Variants in GLI3 observed in about 807,000 individuals in gnomAD.
GLI3 encodes transcription activator GLI3.
A neutral mutation model predicts 100.8 loss-of-function variants in GLI3; 20 were observed. The observed-to-expected ratio is 0.20, with a 90% confidence interval of 0.14 to 0.29. The LOEUF is 0.29. Among genes scored for constraint, GLI3 ranks in the 10% least tolerant of loss-of-function variants. The pLI, the probability that GLI3 is intolerant of heterozygous loss-of-function variation, is 1.00. For synonymous variants in GLI3, 938 were observed against 860.5 expected (o/e 1.09, Z -1.58); for missense variants, 2,040 against 2,128.5 (o/e 0.96, Z 0.82).
chr7:42,067,011 C>T (rs542260053), intron 4 of GLI3, among the ~76,000 whole-genome samples: 3 of 151,930 alleles, frequency 2.0e-5, no homozygotes, highest in Non-Finnish European at 4.4e-5. Context: ...CGGGTACATA[C>T]GCATATACAG....
chr7:42,094,483 C>G (rs180825380), intron 3 of GLI3, among the ~76,000 whole-genome samples: 180 of 152,130 alleles, frequency 1.2e-3, no homozygotes, highest in African/African-American at 4.1e-3. Context: ...CGCCTGTAAT[C>G]CCAGCACTTT....
chr7:42,263,103 G>A (rs1008756410), intron 1 of GLI3, among the ~76,000 whole-genome samples: 1 of 152,174 alleles, frequency 6.6e-6, no homozygotes, highest in Non-Finnish European at 1.5e-5. Flanking sequence ...GGTGACCCAC[G>A]GCAAAGGCAT....
intron 10 of GLI3, among the ~76,000 whole-genome samples, chr7:42,005,384 G>A (rs1398615558): frequency 6.6e-6 from 1 of 151,722 alleles, no homozygotes; most frequent in Non-Finnish European, 1.5e-5. Flanking sequence ...TTTAAGAACG[G>A]ATGGATGGAT....
chr7:42,116,278 C>T (rs185890976), intron 3 of GLI3, among the ~76,000 whole-genome samples: 6 of 152,140 alleles, frequency 3.9e-5, no homozygotes, highest in African/African-American at 1.4e-4. Flanking sequence ...CAGCAGCACA[C>T]GAGCTCATGT....
intron 4 of GLI3, among the ~76,000 whole-genome samples, chr7:42,069,077 C>T (rs551381281): frequency 2.0e-4 from 30 of 152,238 alleles, no homozygotes; most frequent in African/African-American, 6.5e-4. Context: ...ATAGAGTCGG[C>T]GGCTTCCGGT....
chr7:42,199,699 C>T (rs1036802085), intron 2 of GLI3, among the ~76,000 whole-genome samples: 4 of 152,208 alleles, frequency 2.6e-5, no homozygotes, highest in Admixed American at 6.5e-5. Context: ...CATGTCCTAT[C>T]GGATTTATCC....
At chr7:42,086,500 A>G (rs1393487054) in intron 3 of GLI3, among the ~76,000 whole-genome samples, 1 of 151,348 alleles carries the variant, frequency 6.6e-6, no homozygotes, top group African/African-American at 2.4e-5. Context: ...TAGCCTCCCC[A>G]CTCCAGCCCA....
At chr7:42,176,071 C>T (rs1487535557) in intron 2 of GLI3, among the ~76,000 whole-genome samples, 1 of 152,092 alleles carries the variant, frequency 6.6e-6, no homozygotes, top group Non-Finnish European at 1.5e-5. Flanking sequence ...AAGTCACAGA[C>T]AGAATGATAA....
chr7:42,163,666 G>C (rs1288668101), intron 2 of GLI3, among the ~76,000 whole-genome samples: 1 of 152,044 alleles, frequency 6.6e-6, no homozygotes, highest in Non-Finnish European at 1.5e-5. Flanking sequence ...CTGGCCTCAG[G>C]TGATCCACCC....
chr7:42,140,869 T>C (rs902637830), intron 3 of GLI3, among the ~76,000 whole-genome samples: 1 of 152,100 alleles, frequency 6.6e-6, no homozygotes, highest in Admixed American at 6.5e-5. Context: ...GAGGGAAAGC[T>C]GTTAGCAGAT....
intron 10 of GLI3, among the ~76,000 whole-genome samples, chr7:41,979,608 T>G (rs1261741159): frequency 2.0e-5 from 3 of 152,212 alleles, no homozygotes; most frequent in African/African-American, 7.2e-5. Flanking sequence ...CTTCTTAATT[T>G]GAATCAAATT....
intron 3 of GLI3, among the ~76,000 whole-genome samples, chr7:42,142,594 A>G (rs1455204294): frequency 6.6e-6 from 1 of 152,118 alleles, no homozygotes; most frequent in African/African-American, 2.4e-5. Context: ...AGAGATACGC[A>G]GACTCACGGT....
chr7:42,176,499 C>A (rs1787482504), intron 2 of GLI3, among the ~76,000 whole-genome samples: 1 of 152,182 alleles, frequency 6.6e-6, no homozygotes, highest in African/African-American at 2.4e-5. Flanking sequence ...GACATGAATT[C>A]ATGCAAACAG....
chr7:42,220,219 A>C (rs1393711850), intron 2 of GLI3, among the ~76,000 whole-genome samples: 1 of 152,242 alleles, frequency 6.6e-6, no homozygotes, highest in Non-Finnish European at 1.5e-5. Flanking sequence ...TAAAGAAAGC[A>C]CAAGAACCTT....
At chr7:42,040,897 G>C (rs1325191333) in intron 6 of GLI3, among the ~76,000 whole-genome samples, 1 of 152,100 alleles carries the variant, frequency 6.6e-6, no homozygotes, top group African/African-American at 2.4e-5. Context: ...GATGCTACTG[G>C]AATCTAGAGG....
At chr7:42,255,499 C>G (rs1789076633) in intron 1 of GLI3, among the ~76,000 whole-genome samples, 1 of 152,136 alleles carries the variant, frequency 6.6e-6, no homozygotes, top group East Asian at 1.9e-4. Context: ...TGCCTTCAGT[C>G]TTAAGGATTG....
chr7:42,066,213 A>T (rs1001196991), intron 4 of GLI3, among the ~76,000 whole-genome samples: 1 of 152,182 alleles, frequency 6.6e-6, no homozygotes, highest in African/African-American at 2.4e-5. Context: ...GTACACTGAG[A>T]CTTCAGTGGG....
At chr7:42,124,749 T>C (rs1210164966) in intron 3 of GLI3, among the ~76,000 whole-genome samples, 3 of 152,218 alleles carry the variant, frequency 2.0e-5, no homozygotes, top group African/African-American at 7.2e-5. Flanking sequence ...ACAAAGTTTA[T>C]TTCTGAGACT....
chr7:41,987,582 C>T lies in GLI3; in HGVS notation c.1498-8834G>A, dbSNP rs560665075. 5.3e-5 allele frequency among the ~76,000 whole-genome samples: 8 copies of T among 152,274 alleles called. No homozygotes were observed. The South Asian group carries it at 1.7e-3, about 32-fold the overall frequency. On this transcript the variant is annotated intron_variant, in intron 10 of 14. Transcript: ENST00000395925. ...CTCTGTATTCCTCTGTCCTCATCGT[C>T]CAAGTTGTAGAGATGAGTGGAAAGA...
Sources: allele counts gnomAD v4.1 joint callset (sites outside exome capture counted in the v4.1 genomes callset), GRCh38; gene constraint gnomAD v4.1.1; transcripts MANE v1.5; gene names NCBI Gene and HGNC (gene_info 2026-07-23, HGNC 2026-07-21).